KHDRBS2: variants seen among roughly 807,000 people sequenced by gnomAD.
KHDRBS2 encodes the protein KH RNA binding domain containing, signal transduction associated 2, also known as KH domain-containing, RNA-binding, signal transduction-associated protein 2.
Under a neutral mutation model 44.3 loss-of-function variants are expected in KHDRBS2, and 26 were observed. That is an observed-to-expected ratio of 0.59 (90% CI 0.43 to 0.81). KHDRBS2 has a LOEUF of 0.81. KHDRBS2 is among the 40% of genes least tolerant of loss of function. KHDRBS2 has a pLI of 0.00. For synonymous variants in KHDRBS2, 194 were observed against 151.1 expected (o/e 1.28, Z -2.08); for missense variants, 476 against 433.1 (o/e 1.10, Z -0.88).
At chr6:61,642,399 T>C in the KHDRBS2 span, among the ~76,000 whole-genome samples, 8 of 151,466 alleles carry the variant, frequency 5.3e-5, no homozygotes, top group East Asian at 1.6e-3. Flanking sequence ...CTCACACCTA[T>C]AATCCCAGCA....
Position 61,986,016 on chromosome 6 carries a change from G to GT in KHDRBS2, c.337-7805dup, listed in dbSNP as rs1179338825. 5.3e-5 allele frequency among the ~76,000 whole-genome samples: 8 copies of GT among 151,804 alleles called. No individual in the cohort carries two copies. In the South Asian group the frequency reaches 1.0e-3, roughly 20 times the overall value. On this transcript the variant is annotated intron_variant, in intron 3 of 8. Transcript: ENST00000281156. ...ATTTTGGAAGCACTAGAGTATAGTG[G>GT]TTTAAAAAAAAAATGAATTTTGGAG...
In KHDRBS2 at chr6:62,216,775, T is replaced by C. The variant is rs954595164; in HGVS notation, c.92-39463A>G. The stretch of plus-strand genomic sequence containing the variant: ...AGTACCAGTTTCAAGTAGACCAGGA[T>C]AGACTTTAGATGACCAAAAGCCTAG... On this transcript the variant is annotated intron_variant, in intron 1 of 8. Coordinates refer to ENST00000281156, the MANE Select transcript of KHDRBS2 (RefSeq NM_152688.4). 6.7e-5 allele frequency among the ~76,000 whole-genome samples: 10 copies of C among 150,036 alleles called. 1 individual carries two copies. The highest frequency in any genetic ancestry group is 2.7e-4 in the Admixed American group (4 of 14,940).
At chr6:61,851,199 A>T (rs539347892) in intron 6 of KHDRBS2, among the ~76,000 whole-genome samples, 14 of 152,144 alleles carry the variant, frequency 9.2e-5, no homozygotes, top group Admixed American at 6.5e-4. Context: ...TGAGAAAAAA[A>T]TATATATATA....
chr6:61,735,141 A>AC (rs1554183897), intron 6 of KHDRBS2, among the ~76,000 whole-genome samples: 1 of 151,692 alleles, frequency 6.6e-6, no homozygotes, highest in Admixed American at 6.6e-5. Context: ...TTTTGTTTTC[A>AC]TTTTTTTGGT....
chr6:62,197,882 A>C (rs1213993017), intron 1 of KHDRBS2, among the ~76,000 whole-genome samples: 1 of 152,150 alleles, frequency 6.6e-6, no homozygotes, highest in African/African-American at 2.4e-5. Context: ...ATTATAACAA[A>C]CTGTCTCTCA....
At chr6:61,666,287 AATAAATAC>A in the KHDRBS2 span, among the ~76,000 whole-genome samples, 53,890 of 150,894 alleles carry the variant, frequency 0.36, 10,274 homozygotes, top group East Asian at 0.48. Context: ...TAGCTTTATA[AATAAATAC>A]ACATTCTAGA....
chr6:62,232,859 C>T (rs1486932042), intron 1 of KHDRBS2, among the ~76,000 whole-genome samples: 3 of 152,012 alleles, frequency 2.0e-5, no homozygotes, highest in Non-Finnish European at 4.4e-5. Context: ...TAAGGTAAGC[C>T]ACCACGGAAC....
At chr6:62,252,856 T>G (rs77236834) in intron 1 of KHDRBS2, among the ~76,000 whole-genome samples, 1 of 152,094 alleles carries the variant, frequency 6.6e-6, no homozygotes, top group East Asian at 1.9e-4. Flanking sequence ...ATCTGAATCA[T>G]AGATTTGTAA....
chr6:62,267,368 GT>G (rs2150185735), intron 1 of KHDRBS2, among the ~76,000 whole-genome samples: 1 of 152,136 alleles, frequency 6.6e-6, no homozygotes, highest in South Asian at 2.1e-4. Flanking sequence ...GCCCAAACTG[GT>G]TTGCTTCCTC....
intron 1 of KHDRBS2, 58 bp from the exon 2 acceptor site, chr6:62,177,370 A>G (rs1315857919): frequency 4.7e-6 from 6 of 1,280,166 alleles, no homozygotes; most frequent in Non-Finnish European, 6.5e-6. Context: ...TATCATAAAT[A>G]TGCTGAAAAA....
At chr6:62,048,500 C>T (rs1371543615) in intron 2 of KHDRBS2, among the ~76,000 whole-genome samples, 1 of 151,688 alleles carries the variant, frequency 6.6e-6, no homozygotes. Flanking sequence ...TGTCTGGTGA[C>T]CATAACTTTC....
chr6:61,684,195 A>C (rs1364630479), intron 8 of KHDRBS2, among the ~76,000 whole-genome samples: 1 of 151,892 alleles, frequency 6.6e-6, no homozygotes. Flanking sequence ...GAACCAATGA[A>C]CGTTTTTCCA....
At chr6:61,814,348 G>A (rs1221272420) in intron 6 of KHDRBS2, among the ~76,000 whole-genome samples, 6 of 152,048 alleles carry the variant, frequency 3.9e-5, no homozygotes, top group African/African-American at 9.7e-5. Flanking sequence ...GCGGTGGCTC[G>A]TGCCTGAAAT....
Position 62,218,022 on chromosome 6 carries a change from G to A in KHDRBS2, c.92-40710C>T, listed in dbSNP as rs74997112. 4.9e-4 allele frequency among the ~76,000 whole-genome samples: 74 copies of A among 151,960 alleles called. 1 individual carries two copies. In the East Asian group the frequency reaches 0.013, roughly 27 times the overall value. On this transcript the variant is annotated intron_variant, in intron 1 of 8. Coordinates refer to ENST00000281156, the MANE Select transcript of KHDRBS2 (RefSeq NM_152688.4). The stretch of plus-strand genomic sequence containing the variant: ...TCCCAGAGAAGAGTGACTCTGGAGA[G>A]ATAAGTCTGGCATTTGGGTTTGCTT...
intron 1 of KHDRBS2, among the ~76,000 whole-genome samples, chr6:62,226,821 A>G (rs1831922213): frequency 6.6e-6 from 1 of 152,154 alleles, no homozygotes; most frequent in Non-Finnish European, 1.5e-5. Flanking sequence ...TTTGTCAAAG[A>G]TCAGATGGTT....
chr6:62,058,499 T>C (rs1790834054), intron 2 of KHDRBS2, among the ~76,000 whole-genome samples: 1 of 151,872 alleles, frequency 6.6e-6, no homozygotes, highest in Non-Finnish European at 1.5e-5. Context: ...TAGTGCTCTA[T>C]CCTTGTGTTT....
At position 62,066,208 on chromosome 6, in the gene KHDRBS2, C is replaced by T. The variant is rs114161083; in HGVS notation, c.220-18214G>A. On this transcript the variant is annotated intron_variant, in intron 2 of 8. Coordinates refer to ENST00000281156, the MANE Select transcript of KHDRBS2 (RefSeq NM_152688.4). The stretch of plus-strand genomic sequence containing the variant: ...TATAACTACAGCTCAAAAGCAAACC[C>T]TATTTTTTCAGCCTATTCAATTGTC... Among the ~76,000 whole-genome samples, 588 of 151,728 alleles carry T rather than the reference C, an allele frequency of 3.9e-3. 1 individual carries two copies. Among genetic ancestry groups the T allele is most frequent in the African/African-American group, 0.014 (567 of 41,480 alleles).
Position 61,848,563 on chromosome 6 carries a change from G to GTA in KHDRBS2, c.810+46070_810+46071dup, listed in dbSNP as rs1410985585. 6.8e-4 allele frequency among the ~76,000 whole-genome samples: 15 copies of GTA among 22,176 alleles called. 2 individuals carry two copies. The highest frequency in any genetic ancestry group is 3.3e-3 in the African/African-American group (9 of 2,692). 14.5% of individuals were successfully genotyped at this position (22,176 alleles called of 152,430 possible). Reference sequence around the variant, plus strand: ...TATGTATATATATACATATATATATGTATATATATATACATATATATATAT... The same window carrying GTA: ...TATGTATATATATACATATATATATGTATATATATATATACATATATATATAT... On this transcript the variant is annotated intron_variant, in intron 6 of 8. Coordinates refer to ENST00000281156, the MANE Select transcript of KHDRBS2 (RefSeq NM_152688.4).
chr6:61,976,428 G>C (rs1479845784), intron 4 of KHDRBS2, among the ~76,000 whole-genome samples: 2 of 151,998 alleles, frequency 1.3e-5, no homozygotes, highest in East Asian at 3.9e-4. Context: ...TCTAATAGAG[G>C]AGTGTTAACT....
Sources: gnomAD v4.1 joint callset for allele counts (sites outside exome capture counted in the v4.1 genomes callset) on GRCh38, gnomAD v4.1.1 for gene constraint, MANE v1.5 for transcripts, NCBI Gene and HGNC (gene_info 2026-07-23, HGNC 2026-07-21) for gene names.